Variants in VEZT observed in about 807,000 individuals in gnomAD.
VEZT encodes vezatin.
VEZT carries 39 observed loss-of-function variants against 79.9 expected under a neutral mutation model. The observed-to-expected ratio is 0.49, with a 90% CI of 0.38 to 0.64. The LOEUF (loss-of-function observed/expected upper bound fraction) is 0.64, where lower values mean the gene tolerates loss of function less well. Among genes scored for constraint, VEZT ranks in the 30% least tolerant of loss-of-function variants. The pLI is 0.00. For synonymous variants in VEZT, 325 were observed against 327.6 expected (o/e 0.99, Z 0.09); for missense variants, 837 against 893.1 (o/e 0.94, Z 0.80).
At chr12:95,287,913 G>C (rs1039149685) in intron 9 of VEZT, 56 bp downstream of exon 9, 2 of 1,430,906 alleles carry the variant, frequency 1.4e-6, no homozygotes, top group African/African-American at 2.9e-5. Flanking sequence ...ATTCCACTCT[G>C]GTAGGATTTT....
chr12:95,246,499 A>G (rs777993111), intron 1 of VEZT, among the ~76,000 whole-genome samples: 91 of 152,154 alleles, frequency 6.0e-4, no homozygotes, highest in Middle Eastern at 6.8e-3. Context: ...CTTGGATGAG[A>G]CATTTTCTTA....
At chr12:95,249,477 G>A (rs1317340986) in intron 1 of VEZT, among the ~76,000 whole-genome samples, 3 of 152,104 alleles carry the variant, frequency 2.0e-5, no homozygotes, top group Non-Finnish European at 4.4e-5. Context: ...AACCATTTGT[G>A]CTGCCAGAAA....
intron 1 of VEZT, among the ~76,000 whole-genome samples, chr12:95,248,359 G>A (rs2061994557): frequency 6.6e-6 from 1 of 152,204 alleles, no homozygotes; most frequent in Non-Finnish European, 1.5e-5. Context: ...ATGTGAAATA[G>A]CAAGTGTTCC....
At chr12:95,290,167 C>T (rs1255629677) in intron 9 of VEZT, among the ~76,000 whole-genome samples, 1 of 152,146 alleles carries the variant, frequency 6.6e-6, no homozygotes, top group Non-Finnish European at 1.5e-5. Context: ...AGTTGTCATG[C>T]TCTTTATTCT....
chr12:95,271,613 G>A (rs755220630), intron 6 of VEZT, among the ~76,000 whole-genome samples: 1 of 152,218 alleles, frequency 6.6e-6, no homozygotes, highest in Non-Finnish European at 1.5e-5. Flanking sequence ...CATGTGAACT[G>A]TTGGTCATTC....
At chr12:95,269,310 C>T (rs550991046) in intron 5 of VEZT, among the ~76,000 whole-genome samples, 4 of 152,246 alleles carry the variant, frequency 2.6e-5, no homozygotes, top group African/African-American at 9.6e-5. Context: ...TGGGAAGTGC[C>T]ATGAAATGTG....
At chr12:95,254,081 A>G (rs1448308969) in intron 2 of VEZT, among the ~76,000 whole-genome samples, 2 of 152,088 alleles carry the variant, frequency 1.3e-5, no homozygotes, top group East Asian at 1.9e-4. Context: ...CCTGGGCCCA[A>G]GTGATCCTCC....
intron 1 of VEZT, among the ~76,000 whole-genome samples, chr12:95,246,813 G>A (rs1222812493): frequency 6.6e-6 from 1 of 152,042 alleles, no homozygotes; most frequent in East Asian, 1.9e-4. Flanking sequence ...CAGTGTTAAT[G>A]ATTTCTCTTC....
At chr12:95,228,718 G>A (rs746122794) in intron 1 of VEZT, among the ~76,000 whole-genome samples, 9 of 152,244 alleles carry the variant, frequency 5.9e-5, no homozygotes, top group South Asian at 4.1e-4. Flanking sequence ...TTAAGACCAA[G>A]TCTAGCCAGA....
intron 1 of VEZT, among the ~76,000 whole-genome samples, chr12:95,221,942 A>G (rs2057677226): frequency 6.6e-6 from 1 of 152,226 alleles, no homozygotes; most frequent in Non-Finnish European, 1.5e-5. Flanking sequence ...AGGTATTACA[A>G]ATAATCTAGA....
chr12:95,256,464 A>G, intron 2 of VEZT: 1 of 696,116 alleles, frequency 1.4e-6, no homozygotes, highest in Non-Finnish European at 2.0e-6. Context: ...ATTGATTGTA[A>G]TTCTTTATAT....
intron 7 of VEZT, among the ~76,000 whole-genome samples, chr12:95,278,435 C>G (rs1445987939): frequency 6.6e-6 from 1 of 152,174 alleles, no homozygotes; most frequent in Non-Finnish European, 1.5e-5. Flanking sequence ...ATTTATCAGG[C>G]TCTGAAAGGA....
chr12:95,236,151 G>T (rs545881423), intron 1 of VEZT, among the ~76,000 whole-genome samples: 1 of 152,162 alleles, frequency 6.6e-6, no homozygotes, highest in African/African-American at 2.4e-5. Context: ...CTGAGTGAAC[G>T]AGACTCCGTC....
intron 6 of VEZT, among the ~76,000 whole-genome samples, chr12:95,271,996 G>A (rs963898502): frequency 6.6e-6 from 1 of 151,964 alleles, no homozygotes; most frequent in African/African-American, 2.4e-5. Context: ...GTGAGACCTT[G>A]TCTCTTAAAA....
rs755341657 is a variant in VEZT, at chr12:95,263,051, C to T, written c.404C>T (p.Thr135Ile). ...CAACAGGAAAATGGACACCTTCCAA[C>T]ACTTTGCTCCCTGGCAACCCCTAAT... The part of the protein sequence containing the change: ...SQQQENGHLP[T>I]LCSLATPNIW... Residue 135 changes from threonine to isoleucine, a missense_variant, in exon 4 of 12, where the codon ACA becomes ATA. Physicochemically the swap from Thr to Ile is moderately conservative, Grantham distance 89. Transcript: ENST00000436874. The T allele has an allele frequency of 3.1e-6, 5 of 1,610,982 alleles. No individual in the cohort carries two copies. In the Admixed American group the frequency reaches 5.0e-5, roughly 16 times the overall value.
At chr12:95,263,117 A>C (rs2064843970) in intron 4 of VEZT, 36 bp downstream of exon 4, 6 of 1,526,394 alleles carry the variant, frequency 3.9e-6, no homozygotes, top group Non-Finnish European at 5.3e-6. Context: ...TTGACTGCTT[A>C]CATACAGAGT....
In VEZT at chr12:95,282,405, A is replaced by G; in HGVS notation, c.1089A>G (p.Leu363=). ...LSTANSPPGP[L]LTPALLPHRI... ...CAGCCAATTCACCTCCTGGGCCCTT[A>G]CTTACTCCAGCACTTCTGCCTCATC... The change falls in exon 8 of 12, where the codon TTA becomes TTG. Residue 363 remains leucine, a synonymous_variant. Coordinates refer to ENST00000436874, the MANE Select transcript of VEZT (RefSeq NM_017599.4). The G allele has an allele frequency of 6.2e-7, 1 of 1,613,866 alleles. No homozygotes were observed.
intron 1 of VEZT, among the ~76,000 whole-genome samples, chr12:95,233,566 AT>A (rs1250858686): frequency 1.3e-5 from 2 of 151,628 alleles, no homozygotes; most frequent in African/African-American, 4.9e-5. Context: ...CGCCTGGCTA[AT>A]TTTTTTGTAT....
intron 5 of VEZT, 100 bp downstream of exon 5, chr12:95,266,732 A>G: frequency 7.9e-7 from 1 of 1,266,124 alleles, no homozygotes; most frequent in Non-Finnish European, 1.1e-6. Flanking sequence ...ATTTATAGGA[A>G]AAAAAAGTGC....
Sources: allele counts gnomAD v4.1 joint callset (sites outside exome capture counted in the v4.1 genomes callset), GRCh38; gene constraint gnomAD v4.1.1; transcripts MANE v1.5; gene names NCBI Gene and HGNC (gene_info 2026-07-23, HGNC 2026-07-21).